Variants in PDE11A observed in about 807,000 individuals in gnomAD.
PDE11A encodes the protein phosphodiesterase 11A, also known as dual 3',5'-cyclic-AMP and -GMP phosphodiesterase 11A.
Under a neutral mutation model 100.5 loss-of-function variants are expected in PDE11A, and 100 were observed. The observed-to-expected ratio is 1.00, with a 90% CI of 0.85 to 1.18. The LOEUF (loss-of-function observed/expected upper bound fraction) is 1.18. Among genes scored for constraint, PDE11A ranks in the 50% most tolerant of loss-of-function variants. PDE11A has a pLI of 0.00. For missense variants in PDE11A, 1,141 were observed against 1,152.6 expected, an observed-to-expected ratio of 0.99 and a Z score of 0.15; for synonymous variants, 381 against 420.8, an observed-to-expected ratio of 0.91 and a Z score of 1.16.
chr2:177,675,917 C>G (rs1415475650), intron 16 of PDE11A: 1 of 331,584 alleles, frequency 3.0e-6, no homozygotes, highest in Non-Finnish European at 5.9e-6. Flanking sequence ...AAACTACTTA[C>G]CAACTTATCA....
intron 1 of PDE11A, among the ~76,000 whole-genome samples, chr2:178,067,095 C>T (rs990476829): frequency 1.3e-5 from 2 of 152,158 alleles, no homozygotes; most frequent in South Asian, 4.1e-4. Flanking sequence ...CCCTCCTTTC[C>T]CAAATCCAAA....
intron 2 of PDE11A, among the ~76,000 whole-genome samples, chr2:178,001,051 C>T (rs1351933489): frequency 3.3e-5 from 5 of 152,106 alleles, no homozygotes; most frequent in African/African-American, 1.2e-4. Context: ...TTTAAAATTG[C>T]TCACATTCAG....
intron 10 of PDE11A, among the ~76,000 whole-genome samples, chr2:177,751,974 G>A (rs973636584): frequency 3.3e-5 from 5 of 152,096 alleles, no homozygotes; most frequent in East Asian, 1.9e-4. Flanking sequence ...ACAGTGGGAC[G>A]TGAGACAGAG....
chr2:177,661,406 C>T (rs7591796), intron 19 of PDE11A, among the ~76,000 whole-genome samples: 117,614 of 152,074 alleles, frequency 0.77, 46,143 homozygotes, highest in East Asian at 0.89. Flanking sequence ...CTTCCTGGCT[C>T]GTCACTTCCT....
intron 1 of PDE11A, among the ~76,000 whole-genome samples, chr2:178,044,214 G>A (rs1232868506): frequency 6.6e-6 from 1 of 151,900 alleles, no homozygotes; most frequent in Non-Finnish European, 1.5e-5. Flanking sequence ...TTCATGAAGA[G>A]TAGGAACATC....
At chr2:177,977,417 C>A (rs1238890071) in intron 2 of PDE11A, among the ~76,000 whole-genome samples, 1 of 139,846 alleles carries the variant, frequency 7.2e-6, no homozygotes, top group African/African-American at 2.7e-5. Flanking sequence ...AACTACAAAC[C>A]ACTGCTCAAG....
At chr2:178,015,059 G>A (rs2086318647) in intron 1 of PDE11A, among the ~76,000 whole-genome samples, 2 of 152,184 alleles carry the variant, frequency 1.3e-5, no homozygotes, top group African/African-American at 4.8e-5. Context: ...GGGTCATTAA[G>A]TATGCTAATA....
chr2:177,790,514 G>A (rs183658616), intron 9 of PDE11A, among the ~76,000 whole-genome samples: 46 of 152,130 alleles, frequency 3.0e-4, no homozygotes, highest in Admixed American at 7.9e-4. Flanking sequence ...AAAAGCAATG[G>A]CAACAAAAGC....
intron 2 of PDE11A, among the ~76,000 whole-genome samples, chr2:178,078,623 CAA>C (rs1483649046): frequency 6.6e-6 from 1 of 152,056 alleles, no homozygotes; most frequent in Non-Finnish European, 1.5e-5. Context: ...ATCTTAAAAT[CAA>C]GAGTATTTTT....
intron 2 of PDE11A, among the ~76,000 whole-genome samples, chr2:178,100,621 A>C (rs1036952837): frequency 1.3e-5 from 2 of 152,240 alleles, no homozygotes; most frequent in African/African-American, 4.8e-5. Flanking sequence ...TCTCATCAGC[A>C]GAACTAACAA....
chr2:177,942,535 T>C (rs767080562), intron 2 of PDE11A, among the ~76,000 whole-genome samples: 29 of 152,066 alleles, frequency 1.9e-4, no homozygotes, highest in Non-Finnish European at 3.8e-4. Context: ...CCCAAGTAGC[T>C]GGGATTACAG....
At chr2:177,711,915 G>A (rs2081365011) in intron 12 of PDE11A, 37 bp from the exon 13 acceptor site, 2 of 1,051,916 alleles carry the variant, frequency 1.9e-6, no homozygotes, top group African/African-American at 3.1e-5. Context: ...GTCACTACTG[G>A]GGTACGGAGG....
chr2:177,984,814 G>C (rs1045354538), intron 2 of PDE11A, among the ~76,000 whole-genome samples: 5 of 152,322 alleles, frequency 3.3e-5, no homozygotes, highest in African/African-American at 1.2e-4. Context: ...AAGTAGCAGA[G>C]CTAAGTTTTG....
intron 5 of PDE11A, among the ~76,000 whole-genome samples, chr2:177,845,844 C>T (rs1351833654): frequency 1.3e-5 from 2 of 152,220 alleles, no homozygotes; most frequent in African/African-American, 2.4e-5. Context: ...GCCTGGCCAA[C>T]ACAGCGAAAC....
At chr2:177,748,108 C>T (rs2081978471) in intron 10 of PDE11A, among the ~76,000 whole-genome samples, 1 of 152,162 alleles carries the variant, frequency 6.6e-6, no homozygotes, top group Admixed American at 6.5e-5. Flanking sequence ...GAATACGAGG[C>T]ATTTCAGATA....
chr2:177,985,160 A>G (rs956004698), intron 2 of PDE11A, among the ~76,000 whole-genome samples: 6 of 152,226 alleles, frequency 3.9e-5, no homozygotes, highest in African/African-American at 1.4e-4. Context: ...ATGGTCTTCA[A>G]TTGCTTCTGA....
intron 2 of PDE11A, among the ~76,000 whole-genome samples, chr2:177,954,361 A>G (rs1574305080): frequency 1.3e-5 from 2 of 152,274 alleles, no homozygotes; most frequent in Admixed American, 6.5e-5. Context: ...AAAAGAGCCC[A>G]AGAGAGAGGT....
rs768524227 is a variant in PDE11A at position 177,627,017 on chromosome 2, CTT to C, written c.*2388_*2389del. On this transcript the variant is annotated 3_prime_UTR_variant, in exon 20 of 20. Coordinates refer to ENST00000286063, the MANE Select transcript of PDE11A (RefSeq NM_016953.4). ...TATTCCCCTCTTAGTCTGGTTTATA[CTT>C]TTTTTTTTTTTTTTTTTTTTTTTTT... The C allele has an allele frequency of 7.3e-5, 3 of 40,950 alleles. No homozygotes were observed. The highest frequency in any genetic ancestry group is 2.8e-4 in the African/African-American group (2 of 7,036). 2.5% of individuals were successfully genotyped at this position (40,950 alleles called of 1,614,324 possible). A position where few individuals can be genotyped will look rare whatever the true frequency, so the allele number is the denominator to read the frequency against.
At chr2:177,706,196 G>C (rs2105416991) in intron 13 of PDE11A, among the ~76,000 whole-genome samples, 1 of 152,290 alleles carries the variant, frequency 6.6e-6, no homozygotes, top group East Asian at 1.9e-4. Context: ...TTTTATTGTA[G>C]AGGCATTTTG....
Sources: allele counts gnomAD v4.1 joint callset (sites outside exome capture counted in the v4.1 genomes callset), GRCh38; gene constraint gnomAD v4.1.1; transcripts MANE v1.5; gene names NCBI Gene and HGNC (gene_info 2026-07-23, HGNC 2026-07-21).